KCNIP1: variants seen among roughly 807,000 people sequenced by gnomAD.
KCNIP1 encodes A-type potassium channel modulatory protein KCNIP1.
Under a neutral mutation model 33.0 loss-of-function variants are expected in KCNIP1, and 18 were observed. The ratio of observed to expected loss-of-function variants is 0.55; its 90% confidence interval spans 0.38 to 0.81. The LOEUF is 0.81. KCNIP1 is among the 30% of genes least tolerant of loss of function. The pLI is 0.00. For synonymous variants in KCNIP1, 93 were observed against 98.3 expected (o/e 0.95, Z 0.32); for missense variants, 238 against 271.6 (o/e 0.88, Z 0.87).
chr5:170,360,334 A>G (rs1020480631), intron 1 of KCNIP1, among the ~76,000 whole-genome samples: 4 of 152,130 alleles, frequency 2.6e-5, no homozygotes, highest in Non-Finnish European at 5.9e-5. Flanking sequence ...CTGGGCTCCA[A>G]CCCTGCCATG....
rs1757172958 is a variant in KCNIP1, at chr5:170,489,932, G to A, written c.88+135968G>A. On this transcript the variant is annotated intron_variant, in intron 1 of 7. Transcript: ENST00000377360. This position sits in a 1 kb window ranked among gnomAD's most constrained non-coding sequence, Gnocchi z 4.3. ...CCCTGGGATATCTGCCATGTGCAGG[G>A]AATAATGAGCCTGGCAGCTGCAAGA... is the stretch of plus-strand genomic sequence containing the variant. Among the ~76,000 whole-genome samples the A allele has an allele frequency of 1.3e-5, 2 of 152,194 alleles. No individual in the cohort carries two copies. Among genetic ancestry groups the A allele is most frequent in the African/African-American group, 4.8e-5 (2 of 41,444 alleles).
At chr5:170,718,724 T>C in intron 1 of KCNIP1, 34 bp from the exon 2 acceptor site, 1 of 1,612,884 alleles carries the variant, frequency 6.2e-7, no homozygotes, top group Non-Finnish European at 8.5e-7. Context: ...ACTCCCAAGC[T>C]CAACCATTCC....
chr5:170,565,632 C>T (rs957635376), intron 1 of KCNIP1, among the ~76,000 whole-genome samples: 1 of 152,166 alleles, frequency 6.6e-6, no homozygotes, highest in African/African-American at 2.4e-5. Flanking sequence ...TTATCTCATT[C>T]AAGTCCATTA....
chr5:170,613,691 T>G (rs1759266662), intron 1 of KCNIP1, among the ~76,000 whole-genome samples: 1 of 151,974 alleles, frequency 6.6e-6, no homozygotes, highest in South Asian at 2.1e-4. Flanking sequence ...GATTTGGGGG[T>G]TGTTACTGTC....
intron 2 of KCNIP1, 67 bp from the exon 3 acceptor site, chr5:170,720,254 C>A: frequency 8.7e-7 from 1 of 1,151,270 alleles, no homozygotes; most frequent in Non-Finnish European, 1.3e-6. Context: ...GACACCAAGG[C>A]TGGGCCCAGT....
intron 1 of KCNIP1, among the ~76,000 whole-genome samples, chr5:170,434,600 A>G (rs1332641681): frequency 6.6e-6 from 1 of 152,076 alleles, no homozygotes; most frequent in Admixed American, 6.5e-5. Context: ...GCAGCCAGGG[A>G]CCTGGGTTGA....
chr5:170,460,953 C>T (rs186010019), intron 1 of KCNIP1, among the ~76,000 whole-genome samples: 5 of 152,268 alleles, frequency 3.3e-5, no homozygotes, highest in Non-Finnish European at 7.4e-5. Flanking sequence ...AAGAATTCAG[C>T]AAAGTTTTGA....
At chr5:170,436,158 C>A (rs1230666902) in intron 1 of KCNIP1, among the ~76,000 whole-genome samples, 1 of 152,178 alleles carries the variant, frequency 6.6e-6, no homozygotes, top group East Asian at 1.9e-4. Flanking sequence ...CCCACAGAAT[C>A]AAAGAGCCAC....
intron 1 of KCNIP1, among the ~76,000 whole-genome samples, chr5:170,435,833 T>C (rs1274634980): frequency 6.6e-6 from 1 of 152,006 alleles, no homozygotes; most frequent in Non-Finnish European, 1.5e-5. Flanking sequence ...CAAGGACAGG[T>C]ACCTGGAATT....
intron 1 of KCNIP1, among the ~76,000 whole-genome samples, chr5:170,475,279 T>C (rs1005977471): frequency 6.6e-6 from 1 of 152,258 alleles, no homozygotes; most frequent in Non-Finnish European, 1.5e-5. Flanking sequence ...TTTATTTCAT[T>C]GCTTGGCTTC....
At chr5:170,513,419 TTTTC>T (rs1458917124) in intron 1 of KCNIP1, among the ~76,000 whole-genome samples, 5 of 151,564 alleles carry the variant, frequency 3.3e-5, no homozygotes, top group Non-Finnish European at 5.9e-5. Flanking sequence ...GCTTGTCTGT[TTTTC>T]TTTCTCTCTC....
intron 1 of KCNIP1, among the ~76,000 whole-genome samples, chr5:170,525,049 G>A (rs531530356): frequency 1.3e-3 from 198 of 152,328 alleles, no homozygotes; most frequent in Non-Finnish European, 4.9e-4. Flanking sequence ...ACAAGGCCGG[G>A]GAAACTTTGC....
At chr5:170,522,704 C>A (rs1339021122) in intron 1 of KCNIP1, among the ~76,000 whole-genome samples, 1 of 152,236 alleles carries the variant, frequency 6.6e-6, no homozygotes, top group Non-Finnish European at 1.5e-5. Context: ...CTCTGGCCAG[C>A]CCAATGGCAT....
intron 1 of KCNIP1, among the ~76,000 whole-genome samples, chr5:170,710,974 C>A (rs906135621): frequency 6.6e-6 from 1 of 152,228 alleles, no homozygotes; most frequent in Non-Finnish European, 1.5e-5. Context: ...AGACCAGCAA[C>A]CAACAACATC....
intron 1 of KCNIP1, among the ~76,000 whole-genome samples, chr5:170,516,262 C>A (rs1755116090): frequency 6.6e-6 from 1 of 152,178 alleles, no homozygotes; most frequent in South Asian, 2.1e-4. Context: ...CATTTGATTC[C>A]TCCTTCTCCT....
At chr5:170,688,847 T>C (rs1276006882) in intron 1 of KCNIP1, among the ~76,000 whole-genome samples, 1 of 152,156 alleles carries the variant, frequency 6.6e-6, no homozygotes, top group Non-Finnish European at 1.5e-5. Flanking sequence ...AATGGGCTGA[T>C]CCTATGGAAG....
intron 1 of KCNIP1, among the ~76,000 whole-genome samples, chr5:170,398,814 A>G (rs1754824045): frequency 6.6e-6 from 1 of 152,168 alleles, no homozygotes; most frequent in Admixed American, 6.5e-5. Context: ...TAAACAGGTT[A>G]TTCTGTAAAC....
At chr5:170,618,025 G>A (rs1006972506) in intron 1 of KCNIP1, among the ~76,000 whole-genome samples, 1 of 152,166 alleles carries the variant, frequency 6.6e-6, no homozygotes, top group Non-Finnish European at 1.5e-5. Flanking sequence ...TCTTCTCCAC[G>A]ACATCCCCAG....
At chr5:170,721,693 G>A in intron 3 of KCNIP1, 140 bp from the exon 4 acceptor site, 2 of 1,580,598 alleles carry the variant, frequency 1.3e-6, no homozygotes, top group South Asian at 1.1e-5. Context: ...GAGTCAATGG[G>A]CCCCACTCCA....
Sources: gnomAD v4.1 joint callset for allele counts (sites outside exome capture counted in the v4.1 genomes callset) on GRCh38, gnomAD v4.1.1 for gene constraint, Gnocchi (gnomAD v3.1) non-coding constraint, MANE v1.5 for transcripts, NCBI Gene and HGNC (gene_info 2026-07-23, HGNC 2026-07-21) for gene names.